VTI1A: variants seen among roughly 807,000 people sequenced by gnomAD.
VTI1A encodes vesicle transport through interaction with t-SNAREs homolog 1A.
A neutral mutation model predicts 34.9 loss-of-function variants in VTI1A; 22 were observed. That is an observed-to-expected ratio of 0.63 (90% CI 0.45 to 0.90). The LOEUF (loss-of-function observed/expected upper bound fraction) is 0.90. Among genes scored for constraint, VTI1A ranks in the 40% least tolerant of loss-of-function variants. The pLI, the probability that VTI1A is intolerant of heterozygous loss-of-function variation, is 0.00. For synonymous variants in VTI1A, 87 were observed against 97.3 expected, an observed-to-expected ratio of 0.89 and a Z score of 0.62; for missense variants, 268 against 275.6, an observed-to-expected ratio of 0.97 and a Z score of 0.20.
intron 7 of VTI1A, among the ~76,000 whole-genome samples, chr10:112,688,122 T>A (rs1020662331): frequency 1.2e-4 from 18 of 151,798 alleles, no homozygotes; most frequent in African/African-American, 4.4e-4. Flanking sequence ...CCCGGCTAAT[T>A]TTTGTATTTT....
intron 5 of VTI1A, among the ~76,000 whole-genome samples, chr10:112,628,861 C>T (rs116563032): frequency 0.013 from 2,017 of 151,796 alleles, 37 homozygotes; most frequent in African/African-American, 0.046. Context: ...TGTATATCCT[C>T]GCAGTGTTTT....
At chr10:112,622,144 T>C (rs2134573309) in intron 5 of VTI1A, among the ~76,000 whole-genome samples, 1 of 152,202 alleles carries the variant, frequency 6.6e-6, no homozygotes, top group Non-Finnish European at 1.5e-5. Context: ...AAACATAGAG[T>C]TATCCCATCA....
chr10:112,836,620 G>A, the VTI1A span, among the ~76,000 whole-genome samples: 4 of 152,194 alleles, frequency 2.6e-5, no homozygotes, highest in Non-Finnish European at 5.9e-5. Flanking sequence ...CTCCAAGATT[G>A]GAATCAGGCC....
chr10:112,537,591 A>G (rs993172832), intron 4 of VTI1A, among the ~76,000 whole-genome samples: 1 of 152,016 alleles, frequency 6.6e-6, no homozygotes. Context: ...TAAAATATCA[A>G]CATCAATCTA....
intron 5 of VTI1A, among the ~76,000 whole-genome samples, chr10:112,631,152 AC>A (rs1378877713): frequency 6.6e-6 from 1 of 152,106 alleles, no homozygotes; most frequent in Non-Finnish European, 1.5e-5. Flanking sequence ...CAGTATGAAA[AC>A]ATGACACTGC....
At chr10:112,760,240 T>C (rs1851417953) in intron 7 of VTI1A, among the ~76,000 whole-genome samples, 1 of 152,248 alleles carries the variant, frequency 6.6e-6, no homozygotes, top group Non-Finnish European at 1.5e-5. Context: ...CTATTTATGC[T>C]GTTTTTCCCT....
chr10:112,610,805 G>T (rs1845274295), intron 5 of VTI1A, among the ~76,000 whole-genome samples: 1 of 152,146 alleles, frequency 6.6e-6, no homozygotes, highest in Non-Finnish European at 1.5e-5. Context: ...TGTAGTCCCA[G>T]CAACTCGGGA....
At chr10:112,572,817 C>A (rs1041250034) in intron 5 of VTI1A, among the ~76,000 whole-genome samples, 1 of 141,590 alleles carries the variant, frequency 7.1e-6, no homozygotes, top group Non-Finnish European at 1.5e-5. Flanking sequence ...CCAGACTGGG[C>A]GACAGAGCGA....
At chr10:112,504,954 G>A (rs1169615195) in intron 3 of VTI1A, among the ~76,000 whole-genome samples, 1 of 151,566 alleles carries the variant, frequency 6.6e-6, no homozygotes, top group African/African-American at 2.4e-5. Flanking sequence ...GGGGGTGTGT[G>A]GGGATTCGTT....
intron 7 of VTI1A, among the ~76,000 whole-genome samples, chr10:112,798,950 G>T (rs1210564229): frequency 1.3e-5 from 2 of 152,126 alleles, no homozygotes; most frequent in Non-Finnish European, 2.9e-5. Context: ...CCATGCCAAG[G>T]TCAGGGGGCT....
In VTI1A at chr10:112,654,826, C is replaced by G. The variant is rs566512390; in HGVS notation, c.428-13392C>G. Among the ~76,000 whole-genome samples the G allele has an allele frequency of 2.6e-5, 4 of 152,284 alleles. No individual in the cohort carries two copies. The East Asian group carries it at 7.7e-4, about 29-fold the overall frequency. On this transcript the variant is annotated intron_variant, in intron 5 of 7. Transcript: ENST00000393077. ...TCCATTTGTTCACTAGTTCCCTTGT[C>G]TTGAGTTTTGTTAGTTTCCACCTCT...
chr10:112,806,457 T>G (rs534658114), intron 7 of VTI1A, among the ~76,000 whole-genome samples: 1 of 152,100 alleles, frequency 6.6e-6, no homozygotes, highest in African/African-American at 2.4e-5. Flanking sequence ...GGCTAATTTT[T>G]GTATTTTTAG....
intron 5 of VTI1A, among the ~76,000 whole-genome samples, chr10:112,552,720 C>A (rs1399454505): frequency 6.6e-6 from 1 of 152,122 alleles, no homozygotes; most frequent in Non-Finnish European, 1.5e-5. Flanking sequence ...CAATGAATCC[C>A]CTCATTTTTA....
intron 5 of VTI1A, among the ~76,000 whole-genome samples, chr10:112,573,547 C>G (rs766609038): frequency 6.6e-6 from 1 of 152,212 alleles, no homozygotes; most frequent in Non-Finnish European, 1.5e-5. Context: ...ACCTATCCTA[C>G]TTACCTGGGA....
At chr10:112,475,490 G>A (rs1848249625) in intron 3 of VTI1A, among the ~76,000 whole-genome samples, 1 of 152,128 alleles carries the variant, frequency 6.6e-6, no homozygotes, top group Non-Finnish European at 1.5e-5. Context: ...ACCATTTTAT[G>A]GCAGAAGGAG....
chr10:112,660,101 G>C (rs11196040), intron 5 of VTI1A, among the ~76,000 whole-genome samples: 2,774 of 152,212 alleles, frequency 0.018, 59 homozygotes, highest in East Asian at 0.1. Context: ...CTAATTTGTT[G>C]TTGTTGTTGT....
intron 7 of VTI1A, among the ~76,000 whole-genome samples, chr10:112,707,621 C>T (rs1849248088): frequency 6.6e-6 from 1 of 152,186 alleles, no homozygotes; most frequent in South Asian, 2.1e-4. Context: ...CTTGAGTCAC[C>T]TTGCCCAGCT....
At chr10:112,500,728 T>A (rs998740120) in intron 3 of VTI1A, among the ~76,000 whole-genome samples, 6 of 152,160 alleles carry the variant, frequency 3.9e-5, no homozygotes, top group Non-Finnish European at 8.8e-5. Flanking sequence ...TTTTAAGGCC[T>A]CCTATGATGG....
intron 5 of VTI1A, among the ~76,000 whole-genome samples, chr10:112,646,377 C>T (rs1164990420): frequency 6.6e-6 from 1 of 152,116 alleles, no homozygotes; most frequent in Non-Finnish European, 1.5e-5. Context: ...GTCAGTAACA[C>T]TCAGATTATT....
Sources: gnomAD v4.1 joint callset for allele counts (sites outside exome capture counted in the v4.1 genomes callset) on GRCh38, gnomAD v4.1.1 for gene constraint, MANE v1.5 for transcripts, NCBI Gene and HGNC (gene_info 2026-07-23, HGNC 2026-07-21) for gene names.